Variants in ESYT3 observed in about 807,000 individuals in gnomAD.
The protein encoded by ESYT3 is extended synaptotagmin-3.
Under a neutral mutation model 111.5 loss-of-function variants are expected in ESYT3, and 101 were observed. The ratio of observed to expected loss-of-function variants is 0.91; its 90% CI spans 0.77 to 1.07. ESYT3 has a LOEUF of 1.07. Among genes scored for constraint, ESYT3 ranks in the 50% least tolerant of loss-of-function variants. The probability of loss-of-function intolerance (pLI) is 0.00; values close to 1 mark genes in which losing one functional copy is unlikely to be tolerated. For missense variants in ESYT3, 1,097 were observed against 1,109.4 expected, an observed-to-expected ratio of 0.99 and a Z score of 0.16; for synonymous variants, 416 against 446.8, an observed-to-expected ratio of 0.93 and a Z score of 0.87.
intron 1 of ESYT3, among the ~76,000 whole-genome samples, chr3:138,439,212 CCT>C (rs1305773214): frequency 6.6e-6 from 1 of 152,198 alleles, no homozygotes; most frequent in Non-Finnish European, 1.5e-5. Flanking sequence ...CCTTTATGTT[CCT>C]CTGTTTCCCG....
At chr3:138,460,735 C>T in intron 7 of ESYT3, 69 bp downstream of exon 7, 2 of 1,514,406 alleles carry the variant, frequency 1.3e-6, no homozygotes, top group South Asian at 1.1e-5. Flanking sequence ...CAGCCAGTGA[C>T]AGGAGCTGTG....
intron 22 of ESYT3, 38 bp downstream of exon 22, chr3:138,476,530 T>G: frequency 2.5e-6 from 4 of 1,600,086 alleles, no homozygotes; most frequent in Non-Finnish European, 3.4e-6. Context: ...GTTATCCTGC[T>G]ATTCAAGACA....
chr3:138,462,277 G>A (rs899644332), intron 8 of ESYT3, 71 bp downstream of exon 8: 5 of 1,601,164 alleles, frequency 3.1e-6, no homozygotes, highest in Non-Finnish European at 4.3e-6. Flanking sequence ...GCCTTCACAT[G>A]TGGTGCATTG....
chr3:138,448,124 A>G (rs7611650), intron 1 of ESYT3, among the ~76,000 whole-genome samples: 12,244 of 151,752 alleles, frequency 0.081, 1,007 homozygotes, highest in East Asian at 0.38. Flanking sequence ...AAAATTAGCC[A>G]GGCGTGGTGG....
chr3:138,448,894 G>A (rs2031738745), intron 1 of ESYT3, among the ~76,000 whole-genome samples: 1 of 152,102 alleles, frequency 6.6e-6, no homozygotes, highest in South Asian at 2.1e-4. Flanking sequence ...TCCCTAGGCA[G>A]GGTAGGAGAA....
Position 138,455,263 on chromosome 3 carries a change from A to G in ESYT3, c.439A>G (p.Lys147Glu), listed in dbSNP as rs559664542. ...ESKFREKLEP[K>E]IREKSIHLRT... ...CAAGTTCCGGGAGAAACTTGAGCCC[A>G]AGATCCGAGAGAAGAGCATCCACCT... is the stretch of plus-strand genomic sequence containing the variant. Residue 147 changes from lysine to glutamate, a missense_variant, in exon 3 of 23, where the codon AAG (lysine) becomes GAG (glutamate). Transcript: ENST00000389567. 2.0e-5 allele frequency: 33 copies of G among 1,614,174 alleles called. No individual in the cohort carries two copies. The South Asian group carries it at 3.6e-4, about 18-fold the overall frequency.
chr3:138,450,900 G>C (rs1298137490), intron 1 of ESYT3, among the ~76,000 whole-genome samples: 2 of 152,222 alleles, frequency 1.3e-5, no homozygotes. Context: ...GGTGGTCCCA[G>C]GCCCACTCTG....
intron 2 of ESYT3, among the ~76,000 whole-genome samples, chr3:138,454,081 C>A (rs1011710970): frequency 3.9e-5 from 6 of 152,178 alleles, no homozygotes; most frequent in East Asian, 1.9e-4. Context: ...AACAGGGGGA[C>A]CCTATCGCTA....
chr3:138,465,322 CCT>C lies in ESYT3; in HGVS notation c.1087-14_1087-13del. ...CGACTGTTGCCTGCAGGTCAAGACA[CCT>C]CTTTTTCCTTCCAGTTCATGGTGTA... On this transcript the variant is annotated splice_polypyrimidine_tract_variant and intron_variant, in intron 9 of 22. Transcript: ENST00000389567. 1 of 1,568,574 alleles carries C rather than the reference CCT, an allele frequency of 6.4e-7. No homozygotes were observed. The highest frequency in any genetic ancestry group is 1.9e-5 in the Admixed American group (1 of 53,668).
rs541134114 is a variant in ESYT3 at position 138,460,740 on chromosome 3, G to A, written c.794+74G>A. On this transcript the variant is annotated intron_variant, in intron 7 of 22. Transcript: ENST00000389567. ...CAGGGCTCTGCAGCCAGTGACAGGA[G>A]CTGTGCAATGGTGGTGCTTTCCCTC... 3 of 1,473,094 alleles carry A rather than the reference G, an allele frequency of 2.0e-6. No individual in the cohort carries two copies. The South Asian group carries it at 3.4e-5, about 17-fold the overall frequency. The allele number at this position is 1,473,094 out of a possible 1,614,324, so 91.3% of individuals were successfully genotyped here.
At position 138,468,730 on chromosome 3, in the gene ESYT3, A is replaced by T; in HGVS notation, c.1371+13A>T. Reference sequence around the variant, plus strand: ...CTGCAACTTGCCGGTGAGTGGCGACATGTCCAGAGTGTCACACAAACGCAA... The same window carrying T: ...CTGCAACTTGCCGGTGAGTGGCGACTTGTCCAGAGTGTCACACAAACGCAA... On this transcript the variant is annotated intron_variant, in intron 13 of 22. Coordinates refer to ENST00000389567, the MANE Select transcript of ESYT3 (RefSeq NM_031913.5). The T allele has an allele frequency of 1.2e-6, 2 of 1,614,130 alleles. No individual in the cohort carries two copies. The highest frequency in any genetic ancestry group is 1.7e-6 in the Non-Finnish European group (2 of 1,180,008).
chr3:138,465,672 G>A (rs928616421), intron 10 of ESYT3, among the ~76,000 whole-genome samples: 25 of 152,226 alleles, frequency 1.6e-4, no homozygotes, highest in African/African-American at 5.5e-4. Context: ...TGTATATTAC[G>A]GCTTTGCTTT....
chr3:138,438,373 G>GC (rs1255903434), intron 1 of ESYT3, among the ~76,000 whole-genome samples: 1 of 152,148 alleles, frequency 6.6e-6, no homozygotes, highest in Non-Finnish European at 1.5e-5. Context: ...CTGTACTCTA[G>GC]CCCCCAGTGG....
intron 1 of ESYT3, among the ~76,000 whole-genome samples, chr3:138,441,212 G>A (rs995144079): frequency 5.9e-5 from 9 of 152,206 alleles, no homozygotes; most frequent in Non-Finnish European, 1.5e-5. Context: ...GGACAGCAAT[G>A]TATAATACCT....
chr3:138,447,436 G>C (rs1048905693), intron 1 of ESYT3, among the ~76,000 whole-genome samples: 1 of 152,154 alleles, frequency 6.6e-6, no homozygotes, highest in Admixed American at 6.5e-5. Context: ...AACTCATTAA[G>C]AGGAAGTCAT....
chr3:138,473,747 T>A, intron 19 of ESYT3, 113 bp downstream of exon 19: 1 of 907,074 alleles, frequency 1.1e-6, no homozygotes, highest in South Asian at 1.6e-5. Context: ...TAAATAACAC[T>A]TTGGGGGAAA....
Position 138,468,641 on chromosome 3 carries a change from G to A in ESYT3, c.1309-14G>A. 1.2e-6 allele frequency: 2 copies of A among 1,613,998 alleles called. No individual in the cohort carries two copies. The highest frequency in any genetic ancestry group is 1.7e-6 in the Non-Finnish European group (2 of 1,179,918). On this transcript the variant is annotated splice_polypyrimidine_tract_variant and intron_variant, in intron 12 of 22. Transcript: ENST00000389567. ...TGCTGGGAGTACCCAGTGAGGGTCT[G>A]TGTCTGTTTGCAGGACCATGGTGGC...
intron 1 of ESYT3, among the ~76,000 whole-genome samples, chr3:138,447,196 A>C (rs2108598251): frequency 6.6e-6 from 1 of 152,352 alleles, no homozygotes; most frequent in East Asian, 1.9e-4. Flanking sequence ...AGACTAAGCA[A>C]GGATAAAGCA....
chr3:138,472,277 T>C (rs2033257147), intron 17 of ESYT3, 86 bp from the exon 18 acceptor site: 3 of 1,525,184 alleles, frequency 2.0e-6, no homozygotes, highest in Middle Eastern at 1.9e-4. Flanking sequence ...AATTCACAAC[T>C]GAGGGGAAAG....
Sources: gnomAD v4.1 joint callset for allele counts (sites outside exome capture counted in the v4.1 genomes callset) on GRCh38, gnomAD v4.1.1 for gene constraint, MANE v1.5 for transcripts, NCBI Gene and HGNC (gene_info 2026-07-23, HGNC 2026-07-21) for gene names.